The following RECK variants were observed in gnomAD, a reference collection of about 807,000 sequenced individuals.
The protein encoded by RECK is reversion inducing cysteine rich protein with kazal motifs.
In RECK, 69 loss-of-function variants were observed where a neutral mutation model predicts 115.1. The ratio of observed to expected loss-of-function variants is 0.60; its 90% confidence interval spans 0.49 to 0.73. The LOEUF (loss-of-function observed/expected upper bound fraction) is 0.73. Ranked by LOEUF, RECK falls within the 30% of genes least tolerant of loss-of-function variation. The pLI, the probability that RECK is intolerant of heterozygous loss-of-function variation, is 0.00. For synonymous variants in RECK, 414 were observed against 419.7 expected, an observed-to-expected ratio of 0.99 and a Z score of 0.17; for missense variants, 1,047 against 1,203.7, an observed-to-expected ratio of 0.87 and a Z score of 1.93.
rs1401734997 is a variant in RECK at position 36,112,390 on chromosome 9, T to C, written c.1974T>C (p.Cys658=). The change falls in exon 16 of 21, where the codon TGT becomes TGC. Residue 658 remains cysteine (C), a synonymous_variant. Coordinates refer to ENST00000377966, the MANE Select transcript of RECK (RefSeq NM_021111.3). ...ACCCCAGTGCCTGCATTGCTCGCTG[T>C]GTGGGCCTCCAAGACCATCAGTTTG... ...RTYPSACIAR[C]VGLQDHQFEF... 2 of 1,613,956 alleles carry C rather than the reference T, an allele frequency of 1.2e-6. No homozygotes were observed. Among genetic ancestry groups the C allele is most frequent in the East Asian group, 4.5e-5 (2 of 44,898 alleles).
chr9:36,066,949 T>G, intron 6 of RECK: 2 of 962,668 alleles, frequency 2.1e-6, no homozygotes, highest in South Asian at 1.4e-5. Context: ...TAATTTGGCC[T>G]AGAATTAAGC....
chr9:36,103,008 C>G (rs920945723), intron 12 of RECK, among the ~76,000 whole-genome samples: 1 of 151,878 alleles, frequency 6.6e-6, no homozygotes, highest in Non-Finnish European at 1.5e-5. Flanking sequence ...TGGAACTTAT[C>G]TCACTGCTTC....
At chr9:36,082,974 A>C (rs1394481833) in intron 7 of RECK, among the ~76,000 whole-genome samples, 1 of 152,210 alleles carries the variant, frequency 6.6e-6, no homozygotes, top group Non-Finnish European at 1.5e-5. Context: ...ACACTGCTTC[A>C]CTGGTTTTCA....
chr9:36,073,266 A>G (rs182200436), intron 6 of RECK, among the ~76,000 whole-genome samples: 26 of 149,470 alleles, frequency 1.7e-4, no homozygotes, highest in African/African-American at 6.3e-4. Flanking sequence ...ACACACACAC[A>G]CACACACACA....
intron 1 of RECK, among the ~76,000 whole-genome samples, chr9:36,051,560 G>A (rs774701458): frequency 6.6e-6 from 1 of 152,110 alleles, no homozygotes; most frequent in Non-Finnish European, 1.5e-5. Flanking sequence ...GACTCTTGTG[G>A]TGCATGACAC....
Position 36,121,770 on chromosome 9 carries a change from C to G in RECK, c.2694+82C>G, listed in dbSNP as rs1302230243. On this transcript the variant is annotated intron_variant, in intron 20 of 20. Transcript: ENST00000377966. ...GGAGGGAGTGGGCACAAACTAGGAC[C>G]GAGGAAGGATCCGTGGGTGAGGGAG... 3 of 1,439,598 alleles carry G rather than the reference C, an allele frequency of 2.1e-6. No individual in the cohort carries two copies. The South Asian group carries it at 3.8e-5, about 18-fold the overall frequency. 89.2% of individuals were successfully genotyped at this position (1,439,598 alleles called of 1,614,324 possible).
At chr9:36,042,315 G>T (rs552610491) in intron 1 of RECK, among the ~76,000 whole-genome samples, 2 of 152,042 alleles carry the variant, frequency 1.3e-5, no homozygotes, top group African/African-American at 4.8e-5. Flanking sequence ...TACAATGTTT[G>T]GTTTTTCATT....
chr9:36,046,581 G>A (rs913343262), intron 1 of RECK, among the ~76,000 whole-genome samples: 2 of 152,168 alleles, frequency 1.3e-5, no homozygotes, highest in Non-Finnish European at 2.9e-5. Flanking sequence ...CTCAAGAGAA[G>A]ACATATGCTG....
chr9:36,120,929 T>TG (rs1824436867), intron 19 of RECK, among the ~76,000 whole-genome samples, 193 bp downstream of exon 19: 1 of 152,180 alleles, frequency 6.6e-6, no homozygotes, highest in Non-Finnish European at 1.5e-5. Flanking sequence ...CCCAAGCCCA[T>TG]GTTCCTCCCC....
intron 1 of RECK, among the ~76,000 whole-genome samples, chr9:36,045,509 A>G (rs541130215): frequency 4.6e-5 from 7 of 151,388 alleles, no homozygotes; most frequent in African/African-American, 1.7e-4. Context: ...ACACACATCT[A>G]TGTATGTATA....
intron 2 of RECK, among the ~76,000 whole-genome samples, chr9:36,053,457 G>A (rs1387443876): frequency 5.3e-5 from 8 of 152,058 alleles, no homozygotes; most frequent in Non-Finnish European, 1.0e-4. Context: ...TGCAAGATAC[G>A]GTCTGATTAT....
In RECK at chr9:36,081,989, C is replaced by G. The variant is rs534114699; in HGVS notation, c.439+1351C>G. On this transcript the variant is annotated intron_variant, in intron 7 of 20. Transcript: ENST00000377966. The stretch of plus-strand genomic sequence containing the variant: ...AACTGAGACTTGTCCTATATCAGTT[C>G]AGTCCTAGTTCAGTTTCTTTGGTTA... Among the ~76,000 whole-genome samples the G allele has an allele frequency of 1.8e-4, 27 of 152,142 alleles. No individual in the cohort carries two copies. The South Asian group carries it at 3.1e-3, about 18-fold the overall frequency.
At position 36,108,032 on chromosome 9, in the gene RECK, G is replaced by T. The variant is rs1376015771; in HGVS notation, c.1633G>T (p.Val545Leu). The T allele has an allele frequency of 6.2e-7, 1 of 1,614,076 alleles. No homozygotes were observed. Among genetic ancestry groups the T allele is most frequent in the Non-Finnish European group, 8.5e-7 (1 of 1,179,990 alleles). The stretch of plus-strand genomic sequence containing the variant: ...TGTCCGTCAAGGGACACTAATCCAG[G>T]TGCCATCATCTGCAGGGGAAGTTGG... ...FIVRQGTLIQ[V>L]PSSAGEVGCY... Residue 545 changes from valine to leucine, a missense_variant, in exon 14 of 21, where the codon GTG becomes TTG. Coordinates refer to ENST00000377966, the MANE Select transcript of RECK (RefSeq NM_021111.3).
In RECK at chr9:36,053,140, A is replaced by C. The variant is rs1006520999; in HGVS notation, c.159+817A>C. ...GTTGCAAAGTGTTTAGGATGGGTGC[A>C]TCTTGATGAAGACCATGTAGGTATT... On this transcript the variant is annotated intron_variant, in intron 2 of 20. Transcript: ENST00000377966. 1.1e-4 allele frequency among the ~76,000 whole-genome samples: 17 copies of C among 152,334 alleles called. 1 individual carries two copies. Among genetic ancestry groups the C allele is most frequent in the African/African-American group, 4.1e-4 (17 of 41,574 alleles).
At chr9:36,115,834 T>G (rs1824237536) in intron 16 of RECK, among the ~76,000 whole-genome samples, 1 of 152,188 alleles carries the variant, frequency 6.6e-6, no homozygotes, top group African/African-American at 2.4e-5. Context: ...CCTTAGTACT[T>G]AAAATACCCA....
chr9:36,074,429 G>T (rs1822366778), intron 6 of RECK, among the ~76,000 whole-genome samples: 1 of 152,162 alleles, frequency 6.6e-6, no homozygotes, highest in African/African-American at 2.4e-5. Flanking sequence ...CATAGTCCAT[G>T]GGAAGAGAGA....
At position 36,094,815 on chromosome 9, in the gene RECK, A is replaced by C. The variant is rs1823278089; in HGVS notation, c.1085+3472A>C. Among the ~76,000 whole-genome samples, 1 of 152,150 alleles carries C rather than the reference A, an allele frequency of 6.6e-6. No individual in the cohort carries two copies. The highest frequency in any genetic ancestry group is 2.4e-5 in the African/African-American group (1 of 41,446). On this transcript the variant is annotated intron_variant, in intron 10 of 20. Transcript: ENST00000377966. This position sits in a 1 kb window ranked among gnomAD's most constrained non-coding sequence, Gnocchi z 4.1. ...TACTTAAAAACAGAAGTAAACCCTAAAGAGAGAGAAATATTCAATCATATT... is the reference window on the plus strand; with the variant it reads ...TACTTAAAAACAGAAGTAAACCCTACAGAGAGAGAAATATTCAATCATATT...
chr9:36,080,337 C>T (rs1429891743), intron 6 of RECK, among the ~76,000 whole-genome samples: 1 of 152,190 alleles, frequency 6.6e-6, no homozygotes, highest in African/African-American at 2.4e-5. Flanking sequence ...TAGCCCCTCC[C>T]ACACACTTAC....
chr9:36,106,334 A>G (rs1314967086), intron 13 of RECK, among the ~76,000 whole-genome samples: 2 of 151,252 alleles, frequency 1.3e-5, no homozygotes, highest in East Asian at 3.9e-4. Context: ...TCCTGGGCTC[A>G]AGCAATTCTC....
Sources: gnomAD v4.1 joint callset for allele counts (sites outside exome capture counted in the v4.1 genomes callset) on GRCh38, gnomAD v4.1.1 for gene constraint, Gnocchi (gnomAD v3.1) non-coding constraint, MANE v1.5 for transcripts, NCBI Gene and HGNC (gene_info 2026-07-23, HGNC 2026-07-21) for gene names.